AFAP1: variants seen among roughly 807,000 people sequenced by gnomAD.
The protein encoded by AFAP1 is actin filament associated protein 1.
In AFAP1, 75 loss-of-function variants were observed where a neutral mutation model predicts 93.9. The observed-to-expected ratio is 0.80, with a 90% CI of 0.66 to 0.97. The LOEUF (loss-of-function observed/expected upper bound fraction) is 0.97. Ranked by LOEUF, AFAP1 falls within the 50% of genes least tolerant of loss-of-function variation. The probability of loss-of-function intolerance (pLI) is 0.00; values close to 1 mark genes in which losing one functional copy is unlikely to be tolerated. For missense variants in AFAP1, 1,201 were observed against 1,050.8 expected (o/e 1.14, Z -1.98); for synonymous variants, 517 against 430.7 (o/e 1.20, Z -2.48).
chr4:7,894,539 G>A (rs1718657428), intron 1 of AFAP1, among the ~76,000 whole-genome samples: 1 of 152,194 alleles, frequency 6.6e-6, no homozygotes, highest in Admixed American at 6.5e-5. Flanking sequence ...TTAGCTATGA[G>A]AGGCCAGCCC....
chr4:7,819,024 C>A, intron 7 of AFAP1, 52 bp downstream of exon 7: 1 of 1,458,758 alleles, frequency 6.9e-7, no homozygotes, highest in Non-Finnish European at 9.3e-7. Flanking sequence ...TGAAAGAGAC[C>A]CCAATCCACT....
At chr4:7,834,801 C>T (rs532520314) in intron 6 of AFAP1, among the ~76,000 whole-genome samples, 58 of 152,372 alleles carry the variant, frequency 3.8e-4, no homozygotes, top group African/African-American at 1.4e-3. Flanking sequence ...ATGGAGACCC[C>T]AACGGAATGT....
intron 16 of AFAP1, among the ~76,000 whole-genome samples, chr4:7,769,248 C>T (rs947795488): frequency 6.6e-6 from 1 of 152,170 alleles, no homozygotes; most frequent in Non-Finnish European, 1.5e-5. Flanking sequence ...CTCTGACTCC[C>T]GGCTGTGCCT....
At chr4:7,870,648 C>A (rs1306623748) in intron 2 of AFAP1, among the ~76,000 whole-genome samples, 1 of 152,086 alleles carries the variant, frequency 6.6e-6, no homozygotes, top group Non-Finnish European at 1.5e-5. Flanking sequence ...CACAGTGAGA[C>A]CCTGTCTCAA....
chr4:7,889,017 C>T (rs1718287057), intron 1 of AFAP1, among the ~76,000 whole-genome samples: 1 of 152,054 alleles, frequency 6.6e-6, no homozygotes, highest in Non-Finnish European at 1.5e-5. Flanking sequence ...GTCTCGAACT[C>T]CTGACCTCAA....
At chr4:7,782,668 G>A (rs543438013) in intron 12 of AFAP1, among the ~76,000 whole-genome samples, 3 of 152,148 alleles carry the variant, frequency 2.0e-5, no homozygotes, top group African/African-American at 7.2e-5. Context: ...TGACAAGAAA[G>A]GCAGTATTAA....
Position 7,871,961 on chromosome 4 carries a change from A to G in AFAP1, c.118T>C (p.Ser40Pro), listed in dbSNP as rs1339122419. ...TCAGAATGAGACTCACCTTTGGATG[A>G]CTGTATTCTTAGCAGAATGTTGGTT... ...VITNILLRIQ[S>P]SKGFDVKDHA... Residue 40 changes from serine (S) to proline (P), a missense_variant, in exon 2 of 18, where the codon TCA (serine) becomes CCA (proline). Coordinates refer to ENST00000420658, the MANE Select transcript of AFAP1 (RefSeq NM_001134647.2). The G allele has an allele frequency of 6.2e-7, 1 of 1,614,222 alleles. No individual in the cohort carries two copies. The highest frequency in any genetic ancestry group is 1.7e-5 in the Admixed American group (1 of 60,020).
rs542897719 is a variant in AFAP1 at position 7,820,190 on chromosome 4, T to C, written c.727-1019A>G. ...GGGAGAATCGCCAGGCCCAGCTGGA[T>C]TGGACATGGGACTTGAGGGAAAGAA... On this transcript the variant is annotated intron_variant, in intron 6 of 17. Coordinates refer to ENST00000420658, the MANE Select transcript of AFAP1 (RefSeq NM_001134647.2). Among the ~76,000 whole-genome samples the C allele has an allele frequency of 2.2e-4, 33 of 152,040 alleles. 1 individual carries two copies. The highest frequency in any genetic ancestry group is 1.5e-3 in the Admixed American group (23 of 15,274).
intron 13 of AFAP1, 95 bp downstream of exon 13, chr4:7,781,281 C>T (rs1265910770): frequency 7.0e-7 from 1 of 1,434,462 alleles, no homozygotes; most frequent in Non-Finnish European, 9.3e-7. Flanking sequence ...TATGCTTTGC[C>T]TTTGATGAGT....
chr4:7,785,453 A>G (rs1717171772), intron 12 of AFAP1, among the ~76,000 whole-genome samples: 2 of 152,204 alleles, frequency 1.3e-5, no homozygotes, highest in Admixed American at 1.3e-4. Context: ...TCGAATTTGT[A>G]ATGTGGTCAT....
chr4:7,931,584 T>A (rs116766983), intron 1 of AFAP1, among the ~76,000 whole-genome samples: 68 of 150,430 alleles, frequency 4.5e-4, no homozygotes, highest in African/African-American at 1.7e-3. Flanking sequence ...GGTCTCGCTA[T>A]GTTGCCTAGG....
At chr4:7,937,503 T>C (rs1456455195) in intron 1 of AFAP1, among the ~76,000 whole-genome samples, 1 of 152,210 alleles carries the variant, frequency 6.6e-6, no homozygotes, top group Non-Finnish European at 1.5e-5. Flanking sequence ...TGTTTTTATT[T>C]TGAGACGAAG....
chr4:7,787,029 T>C (rs1350609680), intron 11 of AFAP1, among the ~76,000 whole-genome samples: 2 of 152,230 alleles, frequency 1.3e-5, no homozygotes, highest in African/African-American at 4.8e-5. Context: ...GAAGGTGTGC[T>C]ACTGTGGCGT....
At chr4:7,834,144 T>C (rs555194484) in intron 6 of AFAP1, among the ~76,000 whole-genome samples, 1 of 141,050 alleles carries the variant, frequency 7.1e-6, no homozygotes, top group South Asian at 2.2e-4. Flanking sequence ...TACAATGGAA[T>C]ACTACTCAGC....
chr4:7,894,726 G>A (rs912779482), intron 1 of AFAP1, among the ~76,000 whole-genome samples: 7 of 152,312 alleles, frequency 4.6e-5, no homozygotes, highest in African/African-American at 1.7e-4. Context: ...CCGATGAAGA[G>A]GTAGGTCTGA....
intron 12 of AFAP1, among the ~76,000 whole-genome samples, chr4:7,782,983 A>T (rs929327935): frequency 6.6e-6 from 1 of 152,224 alleles, no homozygotes; most frequent in Non-Finnish European, 1.5e-5. Flanking sequence ...AGTCACACGG[A>T]AGACTCAGAA....
chr4:7,771,222 G>A (rs1021196080), intron 16 of AFAP1, among the ~76,000 whole-genome samples: 2 of 152,344 alleles, frequency 1.3e-5, no homozygotes, highest in Non-Finnish European at 1.5e-5. Context: ...AGCACACAGA[G>A]GGAACACAGA....
At chr4:7,786,964 C>T (rs1379710021) in intron 11 of AFAP1, among the ~76,000 whole-genome samples, 2 of 152,254 alleles carry the variant, frequency 1.3e-5, no homozygotes, top group Admixed American at 1.3e-4. Flanking sequence ...TCACCTCTTC[C>T]CTGAAATTTC....
intron 1 of AFAP1, among the ~76,000 whole-genome samples, chr4:7,921,541 T>G (rs1720443376): frequency 6.6e-6 from 1 of 152,046 alleles, no homozygotes. Flanking sequence ...GAAGAAACTG[T>G]TGGCAAGGAA....
Sources: allele counts gnomAD v4.1 joint callset (sites outside exome capture counted in the v4.1 genomes callset), GRCh38; gene constraint gnomAD v4.1.1; transcripts MANE v1.5; gene names NCBI Gene and HGNC (gene_info 2026-07-23, HGNC 2026-07-21).